The following CNTNAP4 variants were observed in gnomAD, a reference collection of about 807,000 sequenced individuals.
CNTNAP4 encodes the protein contactin-associated protein-like 4.
Under a neutral mutation model 148.4 loss-of-function variants are expected in CNTNAP4, and 98 were observed. The ratio of observed to expected loss-of-function variants is 0.66; its 90% CI spans 0.56 to 0.78. The LOEUF (loss-of-function observed/expected upper bound fraction) is 0.78. Among genes scored for constraint, CNTNAP4 ranks in the 30% least tolerant of loss-of-function variants. The probability of loss-of-function intolerance (pLI) is 0.00; values close to 1 mark genes in which losing one functional copy is unlikely to be tolerated. For synonymous variants in CNTNAP4, 730 were observed against 565.1 expected (o/e 1.29, Z -4.14); for missense variants, 1,935 against 1,565.6 (o/e 1.24, Z -3.98).
At chr16:76,295,807 C>T (rs28687930) in intron 1 of CNTNAP4, among the ~76,000 whole-genome samples, 3,030 of 152,192 alleles carry the variant, frequency 0.02, 105 homozygotes, top group African/African-American at 0.068. Context: ...TACTATTCTT[C>T]TGAATAAGAA....
chr16:76,427,373 G>T, intron 3 of CNTNAP4, 79 bp from the exon 4 acceptor site: 3 of 1,233,910 alleles, frequency 2.4e-6, no homozygotes, highest in African/African-American at 1.5e-5. Context: ...ATCACACATT[G>T]CTAATAGACA....
At chr16:76,323,072 C>G (rs1962598633) in intron 2 of CNTNAP4, among the ~76,000 whole-genome samples, 1 of 152,214 alleles carries the variant, frequency 6.6e-6, no homozygotes, top group African/African-American at 2.4e-5. Context: ...ATTTCGAACT[C>G]CTGACCTCAC....
At chr16:76,490,099 C>G (rs2082159638) in intron 13 of CNTNAP4, among the ~76,000 whole-genome samples, 1 of 152,144 alleles carries the variant, frequency 6.6e-6, no homozygotes, top group African/African-American at 2.4e-5. Flanking sequence ...TTATTCAAAG[C>G]CTTGATTGCT....
At chr16:76,461,327 C>A (rs554270743) in intron 8 of CNTNAP4, among the ~76,000 whole-genome samples, 2 of 152,292 alleles carry the variant, frequency 1.3e-5, no homozygotes, top group African/African-American at 4.8e-5. Flanking sequence ...CTGCTCTGTA[C>A]ATGTCCTGAA....
intron 4 of CNTNAP4, among the ~76,000 whole-genome samples, chr16:76,441,782 G>A (rs1396809501): frequency 1.3e-5 from 2 of 152,088 alleles, no homozygotes; most frequent in African/African-American, 4.8e-5. Context: ...ACCTTTTCCT[G>A]CCCAATATTC....
intron 3 of CNTNAP4, among the ~76,000 whole-genome samples, chr16:76,421,498 C>G (rs899477649): frequency 6.6e-6 from 1 of 152,034 alleles, no homozygotes; most frequent in African/African-American, 2.4e-5. Context: ...TTACTCTCAT[C>G]TGGGTTTATG....
intron 11 of CNTNAP4, among the ~76,000 whole-genome samples, chr16:76,478,455 T>A (rs1235880305): frequency 6.6e-6 from 1 of 152,198 alleles, no homozygotes; most frequent in Non-Finnish European, 1.5e-5. Flanking sequence ...TTTACATGAT[T>A]ACTTGAAATT....
chr16:76,447,371 A>ATAT (rs2080288842), intron 4 of CNTNAP4, among the ~76,000 whole-genome samples: 1 of 135,954 alleles, frequency 7.4e-6, no homozygotes, highest in Admixed American at 7.2e-5. Context: ...TATATATATG[A>ATAT]GAAATTTAGG....
chr16:76,522,375 C>A, intron 17 of CNTNAP4, 118 bp downstream of exon 17: 1 of 859,742 alleles, frequency 1.2e-6, no homozygotes, highest in Non-Finnish European at 1.8e-6. Flanking sequence ...AATAACAAAT[C>A]ACCATGGATT....
intron 23 of CNTNAP4, chr16:76,557,282 G>A (rs777826422): frequency 3.9e-5 from 6 of 152,106 alleles, no homozygotes; most frequent in Non-Finnish European, 8.8e-5. Flanking sequence ...ATTCATTTTA[G>A]AGAAAATGTC....
intron 21 of CNTNAP4, among the ~76,000 whole-genome samples, chr16:76,545,671 C>A (rs1438406848): frequency 5.9e-5 from 9 of 152,080 alleles, no homozygotes; most frequent in African/African-American, 1.9e-4. Context: ...AACCTTCATA[C>A]AATGATAAAA....
At chr16:76,300,790 A>G (rs996839499) in intron 1 of CNTNAP4, among the ~76,000 whole-genome samples, 4 of 152,178 alleles carry the variant, frequency 2.6e-5, no homozygotes, top group African/African-American at 4.8e-5. Context: ...GCAAGCATCA[A>G]TTTATTTTAT....
chr16:76,454,070 A>G (rs1035759304), intron 8 of CNTNAP4, among the ~76,000 whole-genome samples: 6 of 150,898 alleles, frequency 4.0e-5, no homozygotes, highest in South Asian at 4.2e-4. Context: ...CTTCAGTGCA[A>G]CGTTACTTTG....
At position 76,452,549 on chromosome 16, in the gene CNTNAP4, C is replaced by T. The variant is rs144662940; in HGVS notation, c.1113C>T (p.Pro371=). 8.2e-5 allele frequency: 132 copies of T among 1,613,950 alleles called. No homozygotes were observed. The African/African-American group carries it at 1.5e-3, about 18-fold the overall frequency. The change falls in exon 8 of 24, where the codon CCC becomes CCT. Residue 371 remains proline (P), a synonymous_variant. Coordinates refer to ENST00000611870, the MANE Select transcript of CNTNAP4 (RefSeq NM_033401.5). ...CTTGTTCACAACCACAATCTATGCC[C>T]GTGACTTTTCTGAGCTCCAGGAGTT... ...SFSCSQPQSM[P]VTFLSSRSYL... is the part of the protein sequence containing the mutation.
chr16:76,361,142 A>T (rs1472481464), intron 3 of CNTNAP4, among the ~76,000 whole-genome samples: 6 of 146,802 alleles, frequency 4.1e-5, no homozygotes, highest in African/African-American at 1.6e-4. Context: ...TAATTGTGTT[A>T]AAAAAAAACT....
intron 4 of CNTNAP4, among the ~76,000 whole-genome samples, chr16:76,435,930 C>A (rs532631002): frequency 6.6e-6 from 1 of 152,220 alleles, no homozygotes; most frequent in East Asian, 1.9e-4. Context: ...CCCTTAATAT[C>A]CATTCCCATC....
At chr16:76,556,376 G>T (rs1334899418) in intron 23 of CNTNAP4, among the ~76,000 whole-genome samples, 1 of 151,864 alleles carries the variant, frequency 6.6e-6, no homozygotes, top group African/African-American at 2.4e-5. Context: ...TTATATTTTT[G>T]GTATAACACG....
At chr16:76,467,295 A>T in intron 9 of CNTNAP4, 57 bp from the exon 10 acceptor site, 1 of 1,474,704 alleles carries the variant, frequency 6.8e-7, no homozygotes. Context: ...GAAGTTATCT[A>T]TGATCCTGAA....
At chr16:76,518,572 C>T (rs187558133) in intron 15 of CNTNAP4, among the ~76,000 whole-genome samples, 12 of 151,736 alleles carry the variant, frequency 7.9e-5, no homozygotes, top group South Asian at 4.2e-4. Flanking sequence ...TTATGGGGTA[C>T]GTGTGATATT....
Sources: allele counts gnomAD v4.1 joint callset (sites outside exome capture counted in the v4.1 genomes callset), GRCh38; gene constraint gnomAD v4.1.1; transcripts MANE v1.5; gene names NCBI Gene and HGNC (gene_info 2026-07-23, HGNC 2026-07-21).